CTXN2: variants seen among roughly 807,000 people sequenced by gnomAD.
CTXN2 encodes the protein cortexin-2.
Under a neutral mutation model 5.7 loss-of-function variants are expected in CTXN2, and 3 were observed. The ratio of observed to expected loss-of-function variants is 0.53; its 90% CI spans 0.24 to 1.36. The LOEUF (loss-of-function observed/expected upper bound fraction) is 1.36, where lower values mean the gene tolerates loss of function less well. CTXN2 is among the 40% of genes most tolerant of loss of function. The pLI is 0.17. For missense variants in CTXN2, 87 were observed against 93.0 expected (o/e 0.94, Z 0.26); for synonymous variants, 38 against 36.4 (o/e 1.04, Z -0.16).
intron 1 of CTXN2, among the ~76,000 whole-genome samples, chr15:48,200,006 T>C (rs891270183): frequency 6.6e-5 from 10 of 152,196 alleles, no homozygotes; most frequent in Non-Finnish European, 1.0e-4. Context: ...TATTAGTTGG[T>C]GTATTATTTG....
chr15:48,201,417 C>T lies in CTXN2; in HGVS notation c.117C>T (p.Ile39=). The T allele has an allele frequency of 1.3e-6, 2 of 1,551,380 alleles. No individual in the cohort carries two copies. The highest frequency in any genetic ancestry group is 1.7e-6 in the Non-Finnish European group (2 of 1,146,760). ...TTGCTTTTGTTGGGATTTTGTGTAT[C>T]TTCTTGGGACTTCTTATTATCCGAT... The part of the protein sequence containing the change: ...TGFAFVGILC[I]FLGLLIIRCF... Residue 39 remains isoleucine, a synonymous_variant, in exon 2 of 2, where the codon ATC becomes ATT. Transcript: ENST00000417307.
In CTXN2 at chr15:48,185,882, C is replaced by T. The variant is rs528801858; in HGVS notation, c.-454-5575C>T. On this transcript the variant is annotated intron_variant, in intron 1 of 2. Transcript: ENST00000644354. Reference sequence around the variant, plus strand: ...TGGACTTAGAGTGCAACTGCTTTTACTTGGTAGTCAAAACATTAACGTATT... The same window carrying T: ...TGGACTTAGAGTGCAACTGCTTTTATTTGGTAGTCAAAACATTAACGTATT... Among the ~76,000 whole-genome samples, 4 of 152,186 alleles carry T rather than the reference C, an allele frequency of 2.6e-5. No individual in the cohort carries two copies. The South Asian group carries it at 6.2e-4, about 24-fold the overall frequency.
At chr15:48,187,035 G>A (rs1381324994), upstream of CTXN2, among the ~76,000 whole-genome samples, 1 of 151,806 alleles carries the variant, frequency 6.6e-6, no homozygotes, top group Non-Finnish European at 1.5e-5. Context: ...GATTACCTTG[G>A]GATTATAAAA....
At chr15:48,185,458 T>C (rs1025497887) in intron 1 of CTXN2, among the ~76,000 whole-genome samples, 3 of 152,080 alleles carry the variant, frequency 2.0e-5, no homozygotes, top group Non-Finnish European at 4.4e-5. Flanking sequence ...GAAAATTAAG[T>C]CTATTCAATA....
intron 1 of CTXN2, among the ~76,000 whole-genome samples, chr15:48,181,870 A>G (rs1252837003): frequency 6.6e-6 from 1 of 152,214 alleles, no homozygotes; most frequent in Admixed American, 6.5e-5. Context: ...ATTTGAAGGC[A>G]TGAAGTTTCT....
At chr15:48,180,869 T>C (rs2040696516) in intron 1 of CTXN2, among the ~76,000 whole-genome samples, 1 of 152,232 alleles carries the variant, frequency 6.6e-6, no homozygotes, top group African/African-American at 2.4e-5. Flanking sequence ...TGAAAAATTC[T>C]TAAGTGATGC....
In CTXN2 at chr15:48,201,588, AC is replaced by A; in HGVS notation, c.*43del. 6.5e-7 allele frequency: 1 copy of A among 1,543,946 alleles called. No individual in the cohort carries two copies. Among genetic ancestry groups the A allele is most frequent in the Non-Finnish European group, 8.8e-7 (1 of 1,141,764 alleles). On this transcript the variant is annotated 3_prime_UTR_variant, in exon 2 of 2. Coordinates refer to ENST00000417307, the MANE Select transcript of CTXN2 (RefSeq NM_001145668.2). ...GTTTTTATGGTTGTGCCATCGGGAC[AC>A]ATTCTGGATACAATTGTAACTACCT...
chr15:48,201,308 G>A lies in CTXN2; in HGVS notation c.8G>A (p.Ser3Asn). 1 of 1,551,228 alleles carries A rather than the reference G, an allele frequency of 6.4e-7. No individual in the cohort carries two copies. The highest frequency in any genetic ancestry group is 8.7e-7 in the Non-Finnish European group (1 of 1,146,620). The change falls in exon 2 of 2, where the codon AGT becomes AAT. Residue 3 changes from serine to asparagine, a missense_variant. Coordinates refer to ENST00000417307, the MANE Select transcript of CTXN2 (RefSeq NM_001145668.2). MS[S>N]TYCGNSSAKM... ...ACAATGTGCCAGTGAATAATGAGTA[G>A]TACCTACTGTGGCAACTCTTCAGCT...
upstream of CTXN2, among the ~76,000 whole-genome samples, chr15:48,186,689 A>T (rs2040759214): frequency 6.6e-6 from 1 of 152,216 alleles, no homozygotes; most frequent in Non-Finnish European, 1.5e-5. Flanking sequence ...TCATGAGGTC[A>T]GGAGTTCGAG....
chr15:48,201,427 C>A lies in CTXN2; in HGVS notation c.127C>A (p.Leu43Ile). Residue 43 changes from leucine (L) to isoleucine (I), a missense_variant, in exon 2 of 2, where the codon CTT (leucine) becomes ATT (isoleucine). Coordinates refer to ENST00000417307, the MANE Select transcript of CTXN2 (RefSeq NM_001145668.2). ...TGGGATTTTGTGTATCTTCTTGGGA[C>A]TTCTTATTATCCGATGCTTCAAAAT... Reference protein sequence around the residue: ...FVGILCIFLGLLIIRCFKILL... With the variant: ...FVGILCIFLGILIIRCFKILL... The A allele has an allele frequency of 6.4e-7, 1 of 1,551,342 alleles. No homozygotes were observed. Among genetic ancestry groups the A allele is most frequent in the Non-Finnish European group, 8.7e-7 (1 of 1,146,744 alleles).
Position 48,181,655 on chromosome 15 carries a change from A to G in CTXN2, c.-455+3255A>G, listed in dbSNP as rs576177072. Among the ~76,000 whole-genome samples the G allele has an allele frequency of 3.9e-5, 6 of 152,334 alleles. No homozygotes were observed. The East Asian group carries it at 5.8e-4, about 15-fold the overall frequency. Reference sequence around the variant, plus strand: ...GACAAAAATGGTGGCTAACATTTCTATGGTGACAATAGCTTCTAAAAATAC... The same window carrying G: ...GACAAAAATGGTGGCTAACATTTCTGTGGTGACAATAGCTTCTAAAAATAC... On this transcript the variant is annotated intron_variant, in intron 1 of 2. Transcript: ENST00000644354.
rs2040936660 is a variant in CTXN2 at position 48,202,458 on chromosome 15, A to C, written c.*912A>C. The C allele has an allele frequency of 6.0e-6, 1 of 167,112 alleles. No homozygotes were observed. The highest frequency in any genetic ancestry group is 1.5e-5 in the Non-Finnish European group (1 of 68,122). The allele number at this position is 167,112 out of a possible 1,614,324, so 10.4% of individuals were successfully genotyped here. On this transcript the variant is annotated 3_prime_UTR_variant, in exon 2 of 2. Transcript: ENST00000417307. ...TGAATGAGGATTTAAGATATCATGA[A>C]AAGTTTTTCAGATTAGGAGCCTAAA... is the stretch of plus-strand genomic sequence containing the variant.
chr15:48,195,135 T>C (rs2040864800), intron 1 of CTXN2, among the ~76,000 whole-genome samples: 1 of 152,200 alleles, frequency 6.6e-6, no homozygotes, highest in African/African-American at 2.4e-5. Flanking sequence ...ATTTACTTTT[T>C]AAGTCTATGC....
chr15:48,197,421 T>C (rs555016623), intron 1 of CTXN2, among the ~76,000 whole-genome samples: 1 of 152,140 alleles, frequency 6.6e-6, no homozygotes, highest in South Asian at 2.1e-4. Context: ...TGGTATAATA[T>C]ATAGATATGG....
intron 1 of CTXN2, chr15:48,192,244 G>C (rs954511615): frequency 6.1e-6 from 1 of 162,948 alleles, no homozygotes; most frequent in African/African-American, 2.4e-5. Context: ...GAGATATCTG[G>C]AGAATTTTCA....
chr15:48,195,987 A>G (rs2040875778), intron 1 of CTXN2, among the ~76,000 whole-genome samples: 1 of 152,120 alleles, frequency 6.6e-6, no homozygotes, highest in Non-Finnish European at 1.5e-5. Flanking sequence ...AGAGCATACT[A>G]GCAACCCAAT....
At chr15:48,189,113 T>C (rs936129047), upstream of CTXN2, 1 of 152,174 alleles carries the variant, frequency 6.6e-6, no homozygotes, top group Non-Finnish European at 1.5e-5. Flanking sequence ...ACCTTTCATA[T>C]AGCTTGAAAA....
intron 1 of CTXN2, among the ~76,000 whole-genome samples, chr15:48,200,415 G>A (rs1283195867): frequency 6.6e-6 from 1 of 152,142 alleles, no homozygotes; most frequent in African/African-American, 2.4e-5. Context: ...GGTAGTTTTA[G>A]AATCTCAGCA....
rs1320052 is a variant in CTXN2 at position 48,203,311 on chromosome 15, C to T, written c.*1765C>T. Reference sequence around the variant, plus strand: ...ATCTCATAATAGATTTAGAACATATCTGTTATTAGCTATGGATCTTCTGGA... The same window carrying T: ...ATCTCATAATAGATTTAGAACATATTTGTTATTAGCTATGGATCTTCTGGA... On this transcript the variant is annotated 3_prime_UTR_variant, in exon 2 of 2. Transcript: ENST00000417307. The T allele has an allele frequency of 0.84, 140,799 of 167,026 alleles. 63,613 individuals are homozygous for T. Among genetic ancestry groups the T allele is most frequent in the Non-Finnish European group, 1 (68,012 of 68,132 alleles). The allele number at this position is 167,026 out of a possible 1,614,324, so 10.3% of individuals were successfully genotyped here. A position where few individuals can be genotyped will look rare whatever the true frequency, so the allele number is the denominator to read the frequency against.
Sources: allele counts gnomAD v4.1 joint callset (sites outside exome capture counted in the v4.1 genomes callset), GRCh38; gene constraint gnomAD v4.1.1; transcripts MANE v1.5; gene names NCBI Gene and HGNC (gene_info 2026-07-23, HGNC 2026-07-21).